The following DENND5B variants were observed in gnomAD, a reference collection of about 807,000 sequenced individuals.
DENND5B encodes the protein DENN domain containing 5B, also known as DENN domain-containing protein 5B.
In DENND5B, 34 loss-of-function variants were observed where a neutral mutation model predicts 140.6. The ratio of observed to expected loss-of-function variants is 0.24; its 90% CI spans 0.18 to 0.32. DENND5B has a LOEUF of 0.32. Among genes scored for constraint, DENND5B ranks in the 10% least tolerant of loss-of-function variants. The pLI is 1.00. For synonymous variants in DENND5B, 551 were observed against 562.1 expected (o/e 0.98, Z 0.28); for missense variants, 1,142 against 1,560.2 (o/e 0.73, Z 4.52).
intron 1 of DENND5B, among the ~76,000 whole-genome samples, chr12:31,558,157 C>T (rs1949359983): frequency 6.6e-6 from 1 of 152,202 alleles, no homozygotes; most frequent in Admixed American, 6.5e-5. Context: ...TGAGCCCTTT[C>T]TAAAATAATG....
chr12:31,435,766 T>G (rs1943723330), intron 7 of DENND5B, among the ~76,000 whole-genome samples: 2 of 152,080 alleles, frequency 1.3e-5, no homozygotes, highest in African/African-American at 4.8e-5. Context: ...GTTCAAGTGA[T>G]TCTCCTGCCT....
chr12:31,495,088 C>T (rs1259432), intron 2 of DENND5B, among the ~76,000 whole-genome samples: 118,606 of 152,084 alleles, frequency 0.78, 46,653 homozygotes, highest in African/African-American at 0.87. Flanking sequence ...CATCTTTACA[C>T]TGTCTGTAAA....
At chr12:31,408,903 G>C (rs1375730941) in intron 14 of DENND5B, among the ~76,000 whole-genome samples, 1 of 152,182 alleles carries the variant, frequency 6.6e-6, no homozygotes, top group African/African-American at 2.4e-5. Context: ...AAGGAAAGCA[G>C]GATTGGTTAA....
chr12:31,418,487 T>A (rs552614566), intron 11 of DENND5B, among the ~76,000 whole-genome samples: 1 of 151,624 alleles, frequency 6.6e-6, no homozygotes, highest in Middle Eastern at 3.4e-3. Context: ...GTTTTGTCTC[T>A]ATGTTTATGT....
Position 31,447,787 on chromosome 12 carries a change from G to A in DENND5B, c.1630-18C>T, listed in dbSNP as rs897687113. The A allele has an allele frequency of 4.6e-6, 7 of 1,531,804 alleles. No homozygotes were observed. Among genetic ancestry groups the A allele is most frequent in the Admixed American group, 1.9e-5 (1 of 51,458 alleles). The allele number at this position is 1,531,804 out of a possible 1,614,324, so 94.9% of individuals were successfully genotyped here. A position where few individuals can be genotyped will look rare whatever the true frequency, so the allele number is the denominator to read the frequency against. On this transcript the variant is annotated intron_variant, in intron 5 of 20. Coordinates refer to ENST00000389082, the MANE Select transcript of DENND5B (RefSeq NM_144973.4). ...AAGGAAGCCTGTAATGAGATAATTA[G>A]GAAATTATTAGTGCAAAGAGACCAT...
intron 3 of DENND5B, among the ~76,000 whole-genome samples, chr12:31,469,987 T>C (rs1230299207): frequency 6.6e-6 from 1 of 152,030 alleles, no homozygotes; most frequent in African/African-American, 2.4e-5. Flanking sequence ...TCTCGCTCTG[T>C]CACGAGGCTG....
intron 1 of DENND5B, among the ~76,000 whole-genome samples, chr12:31,517,058 T>G (rs2882803): frequency 3.2e-4 from 49 of 152,310 alleles, no homozygotes; most frequent in African/African-American, 9.6e-4. Flanking sequence ...TATATTCATT[T>G]CACAACTTTT....
At chr12:31,533,258 A>C (rs553138505) in intron 1 of DENND5B, among the ~76,000 whole-genome samples, 5 of 152,338 alleles carry the variant, frequency 3.3e-5, no homozygotes, top group African/African-American at 1.2e-4. Flanking sequence ...GAAGAAAAAA[A>C]AACAATTTAA....
intron 4 of DENND5B, among the ~76,000 whole-genome samples, chr12:31,453,520 A>G (rs1478006055): frequency 2.0e-5 from 3 of 152,216 alleles, no homozygotes; most frequent in African/African-American, 7.2e-5. Flanking sequence ...AGTTAAAAAG[A>G]AGGTTGTGTT....
chr12:31,461,028 T>C (rs1281514867), intron 3 of DENND5B, among the ~76,000 whole-genome samples: 1 of 152,120 alleles, frequency 6.6e-6, no homozygotes, highest in Non-Finnish European at 1.5e-5. Flanking sequence ...ACCAGGCCAG[T>C]GTAACATTTT....
chr12:31,496,046 A>G (rs902240348), intron 1 of DENND5B, 127 bp from the exon 2 acceptor site: 7 of 585,790 alleles, frequency 1.2e-5, no homozygotes, highest in Non-Finnish European at 2.0e-5. Flanking sequence ...GCCTCTAACC[A>G]TCTGTATTGT....
At chr12:31,458,269 GA>G (rs943289611) in intron 4 of DENND5B, among the ~76,000 whole-genome samples, 5 of 152,088 alleles carry the variant, frequency 3.3e-5, no homozygotes, top group African/African-American at 9.7e-5. Flanking sequence ...CAATTGTTAT[GA>G]AAAATGGAAA....
chr12:31,555,729 C>T (rs1383188700), intron 1 of DENND5B, among the ~76,000 whole-genome samples: 1 of 152,230 alleles, frequency 6.6e-6, no homozygotes, highest in African/African-American at 2.4e-5. Context: ...GCTTTGTTTA[C>T]CTAATCAAAC....
At chr12:31,501,448 C>T (rs1033985747) in intron 1 of DENND5B, among the ~76,000 whole-genome samples, 1 of 152,120 alleles carries the variant, frequency 6.6e-6, no homozygotes. Flanking sequence ...TGAAAACAGA[C>T]GAATACAAGA....
chr12:31,547,202 A>G (rs1164907649), intron 1 of DENND5B, among the ~76,000 whole-genome samples: 2 of 152,192 alleles, frequency 1.3e-5, no homozygotes, highest in Non-Finnish European at 2.9e-5. Context: ...TGTTAAACAT[A>G]TATCTAAGGC....
At chr12:31,478,318 T>C (rs1332915714) in intron 3 of DENND5B, among the ~76,000 whole-genome samples, 1 of 152,056 alleles carries the variant, frequency 6.6e-6, no homozygotes, top group South Asian at 2.1e-4. Flanking sequence ...TAATTTAAAA[T>C]AGAAAAATAA....
chr12:31,444,837 T>C (rs778943743), intron 6 of DENND5B, among the ~76,000 whole-genome samples: 1 of 152,210 alleles, frequency 6.6e-6, no homozygotes, highest in African/African-American at 2.4e-5. Context: ...CAAAACCACA[T>C]AGGTAATTGC....
intron 14 of DENND5B, among the ~76,000 whole-genome samples, chr12:31,407,947 A>G (rs1481414056): frequency 6.6e-6 from 1 of 152,236 alleles, no homozygotes; most frequent in Non-Finnish European, 1.5e-5. Flanking sequence ...CCCACTGCAA[A>G]TAAGAATTAG....
intron 1 of DENND5B, among the ~76,000 whole-genome samples, chr12:31,510,964 C>T (rs1947388126): frequency 6.6e-6 from 1 of 152,154 alleles, no homozygotes. Flanking sequence ...GGTGTGGTGG[C>T]TCATGCCTGT....
Sources: gnomAD v4.1 joint callset for allele counts (sites outside exome capture counted in the v4.1 genomes callset) on GRCh38, gnomAD v4.1.1 for gene constraint, MANE v1.5 for transcripts, NCBI Gene and HGNC (gene_info 2026-07-23, HGNC 2026-07-21) for gene names.